POLI: variants seen among roughly 807,000 people sequenced by gnomAD.
POLI encodes RAD30 homolog B.
A neutral mutation model predicts 51.6 loss-of-function variants in POLI; 58 were observed. The observed-to-expected ratio is 1.12, with a 90% CI of 0.91 to 1.40. POLI has a LOEUF of 1.40. POLI is among the 40% of genes most tolerant of loss of function. POLI has a pLI of 0.00. For synonymous variants in POLI, 322 were observed against 299.7 expected, an observed-to-expected ratio of 1.07 and a Z score of -0.77; for missense variants, 921 against 871.3, an observed-to-expected ratio of 1.06 and a Z score of -0.72.
Position 54,294,958 on chromosome 18 carries a change from T to C in POLI, c.*491T>C, listed in dbSNP as rs988675942. ...CTACATTACATTTAGTATGTTGACT[T>C]TTAAAATACCAAAGCAATTTATATT... is the stretch of plus-strand genomic sequence containing the variant. On this transcript the variant is annotated 3_prime_UTR_variant, in exon 10 of 10. Coordinates refer to ENST00000579534, the MANE Select transcript of POLI (RefSeq NM_007195.3). 1 of 983,642 alleles carries C rather than the reference T, an allele frequency of 1.0e-6. No homozygotes were observed. The highest frequency in any genetic ancestry group is 6.2e-5 in the Admixed American group (1 of 16,248). 60.9% of individuals were successfully genotyped at this position (983,642 alleles called of 1,614,324 possible). A position where few individuals can be genotyped will look rare whatever the true frequency, so the allele number is the denominator to read the frequency against.
At position 54,304,919 on chromosome 18, in the gene POLI, A is replaced by G. The variant is rs560345724; in HGVS notation, c.334-15354A>G. Among the ~76,000 whole-genome samples the G allele has an allele frequency of 1.3e-4, 20 of 152,304 alleles. No homozygotes were observed. The South Asian group carries it at 3.9e-3, about 30-fold the overall frequency. ...GGTCTAACATTTAAGTCTTTAATCC[A>G]TCTTGAATTAATTTTTGTATAAGGT... is the stretch of plus-strand genomic sequence containing the variant. On this transcript the variant is annotated intron_variant, in intron 3 of 4. Transcript: ENST00000579823.
intron 3 of POLI, among the ~76,000 whole-genome samples, chr18:54,316,392 T>C (rs1034722057): frequency 2.0e-5 from 3 of 152,206 alleles, no homozygotes; most frequent in Admixed American, 6.6e-5. Context: ...AAATTTGTGA[T>C]TATTATTGCA....
intron 8 of POLI, among the ~76,000 whole-genome samples, chr18:54,289,016 A>C (rs1218060660): frequency 6.6e-6 from 1 of 152,090 alleles, no homozygotes. Flanking sequence ...CATGTTTTGA[A>C]CTATTTTATT....
intron 1 of POLI, chr18:54,270,427 A>G (rs1341434512): frequency 6.6e-6 from 1 of 152,234 alleles, no homozygotes; most frequent in Admixed American, 6.5e-5. Flanking sequence ...TTCGAAAAGT[A>G]TTGGGATTAC....
At chr18:54,285,092 G>T (rs1356000299) in intron 7 of POLI, among the ~76,000 whole-genome samples, 1 of 152,204 alleles carries the variant, frequency 6.6e-6, no homozygotes, top group African/African-American at 2.4e-5. Flanking sequence ...CAACTTTGCT[G>T]TCGTGTGCAA....
Position 54,295,102 on chromosome 18 carries a change from G to A in POLI, c.*635G>A, listed in dbSNP as rs913031591. 7.1e-6 allele frequency: 7 copies of A among 985,356 alleles called. No homozygotes were observed. The highest frequency in any genetic ancestry group is 8.4e-6 in the Non-Finnish European group (7 of 829,978). The allele number at this position is 985,356 out of a possible 1,614,324, so 61.0% of individuals were successfully genotyped here. ...GGGCCAGGGTGGGGAGTTAAAGTGA[G>A]AGGAGGGTATATGTTATAGAGAACA... On this transcript the variant is annotated 3_prime_UTR_variant, in exon 10 of 10. Coordinates refer to ENST00000579534, the MANE Select transcript of POLI (RefSeq NM_007195.3).
intron 4 of POLI, among the ~76,000 whole-genome samples, chr18:54,278,916 A>G (rs568267966): frequency 2.6e-5 from 4 of 152,314 alleles, no homozygotes; most frequent in African/African-American, 9.6e-5. Context: ...CGGTCTACAG[A>G]ATAGTTCTCC....
chr18:54,281,860 A>G (rs2087516278), intron 5 of POLI, among the ~76,000 whole-genome samples: 2 of 151,508 alleles, frequency 1.3e-5, no homozygotes, highest in Admixed American at 6.6e-5. Context: ...TTCCCCCTAC[A>G]TAGCCATCTC....
chr18:54,286,425 A>G (rs1389119796), intron 7 of POLI, among the ~76,000 whole-genome samples: 1 of 152,124 alleles, frequency 6.6e-6, no homozygotes, highest in Non-Finnish European at 1.5e-5. Flanking sequence ...TATTAATTAT[A>G]TACTAAATAT....
chr18:54,320,810 A>G (rs1361257531), intron 4 of POLI, among the ~76,000 whole-genome samples: 1 of 148,730 alleles, frequency 6.7e-6, no homozygotes, highest in African/African-American at 2.5e-5. Flanking sequence ...AGGCTTTTCT[A>G]TTTTTTTTTT....
In POLI at chr18:54,294,004, A is replaced by G; in HGVS notation, c.1760A>G (p.His587Arg). The G allele has an allele frequency of 6.2e-7, 1 of 1,613,562 alleles. No homozygotes were observed. Residue 587 changes from histidine to arginine, a missense_variant, in exon 10 of 10, where the codon CAT (histidine) becomes CGT (arginine). Coordinates refer to ENST00000579534, the MANE Select transcript of POLI (RefSeq NM_007195.3). Reference sequence around the variant, plus strand: ...GATATTCCCATAAATCCTAGAGATCATTTATCCAGTAGCAAACAGGTATCC... The same window carrying G: ...GATATTCCCATAAATCCTAGAGATCGTTTATCCAGTAGCAAACAGGTATCC... ...MQDIPINPRD[H>R]LSSSKQVSSV...
rs756150056 is a variant in POLI, at chr18:54,287,351, T to A, written c.1138T>A (p.Tyr380Asn). ...CCGTCGGTATTCCTCTGAGAAGCACTATGGTCGTGAGAGTCGTCAGTGCCC... is the reference window on the plus strand; with the variant it reads ...CCGTCGGTATTCCTCTGAGAAGCACAATGGTCGTGAGAGTCGTCAGTGCCC... The part of the protein sequence containing the change: ...IIRRYSSEKH[Y>N]GRESRQCPIP... The change falls in exon 8 of 10, where the codon TAT (tyrosine) becomes AAT (asparagine). Residue 380 changes from tyrosine to asparagine, a missense_variant. Coordinates refer to ENST00000579534, the MANE Select transcript of POLI (RefSeq NM_007195.3). 1.2e-5 allele frequency: 19 copies of A among 1,600,028 alleles called. No homozygotes were observed. In the East Asian group the frequency reaches 3.8e-4, roughly 32 times the overall value.
intron 3 of POLI, among the ~76,000 whole-genome samples, chr18:54,312,097 C>T (rs931899404): frequency 1.3e-5 from 2 of 152,056 alleles, no homozygotes; most frequent in South Asian, 4.1e-4. Context: ...AACCCTTGAT[C>T]CCCTCTCTCC....
At chr18:54,269,922 G>A in intron 1 of POLI, 1 of 1,205,874 alleles carries the variant, frequency 8.3e-7, no homozygotes, top group East Asian at 3.6e-5. Context: ...TTTCCTCTGT[G>A]AGGGGCGAGG....
In POLI at chr18:54,271,547, C is replaced by T. The variant is rs1052833909; in HGVS notation, c.241+62C>T. The T allele has an allele frequency of 1.7e-5, 19 of 1,097,560 alleles. No individual in the cohort carries two copies. In the Admixed American group the frequency reaches 4.6e-4, roughly 27 times the overall value. 68.0% of individuals were successfully genotyped at this position (1,097,560 alleles called of 1,614,324 possible). ...GATTAGATTAGCAACTCATCATGCTCATTATATACTGATTTATTAACCTTA... is the reference window on the plus strand; with the variant it reads ...GATTAGATTAGCAACTCATCATGCTTATTATATACTGATTTATTAACCTTA... On this transcript the variant is annotated intron_variant, in intron 2 of 9. Transcript: ENST00000579534.
At chr18:54,277,910 A>G in intron 4 of POLI, 55 bp downstream of exon 4, 2 of 1,300,538 alleles carry the variant, frequency 1.5e-6, no homozygotes, top group Non-Finnish European at 2.2e-6. Context: ...ACATTTCTTA[A>G]TGTTCAGTGA....
chr18:54,304,768 A>C (rs1298929960), intron 3 of POLI, among the ~76,000 whole-genome samples: 1 of 152,170 alleles, frequency 6.6e-6, no homozygotes, highest in African/African-American at 2.4e-5. Flanking sequence ...TAGTTTAATT[A>C]GATCCCATTT....
At position 54,274,068 on chromosome 18, in the gene POLI, A is replaced by G. The variant is rs781167787; in HGVS notation, c.384A>G (p.Arg128=). The change falls in exon 3 of 10, where the codon AGA becomes AGG. Residue 128 remains arginine, a synonymous_variant. Coordinates refer to ENST00000579534, the MANE Select transcript of POLI (RefSeq NM_007195.3). ...ATGGAGAAGACCTGACCCGCTACAGAGAAATGTCTTATAAGGTTACAGGTA... is the reference window on the plus strand; with the variant it reads ...ATGGAGAAGACCTGACCCGCTACAGGGAAATGTCTTATAAGGTTACAGGTA... ...LVNGEDLTRY[R]EMSYKVTELL... The G allele has an allele frequency of 1.3e-6, 2 of 1,490,232 alleles. No homozygotes were observed. The highest frequency in any genetic ancestry group is 9.0e-7 in the Non-Finnish European group (1 of 1,116,284). 92.3% of individuals were successfully genotyped at this position (1,490,232 alleles called of 1,614,324 possible). A position where few individuals can be genotyped will look rare whatever the true frequency, so the allele number is the denominator to read the frequency against.
intron 3 of POLI, among the ~76,000 whole-genome samples, chr18:54,317,392 A>G (rs974400633): frequency 2.6e-5 from 4 of 152,216 alleles, no homozygotes; most frequent in African/African-American, 9.6e-5. Context: ...TGATATTCAT[A>G]CAAGTGTGTA....
Sources: allele counts gnomAD v4.1 joint callset (sites outside exome capture counted in the v4.1 genomes callset), GRCh38; gene constraint gnomAD v4.1.1; transcripts MANE v1.5; gene names NCBI Gene and HGNC (gene_info 2026-07-23, HGNC 2026-07-21).